AKAP6: variants seen among roughly 807,000 people sequenced by gnomAD.
The protein encoded by AKAP6 is A-kinase anchor protein 6.
A neutral mutation model predicts 188.5 loss-of-function variants in AKAP6; 58 were observed. The observed-to-expected ratio is 0.31, with a 90% CI of 0.25 to 0.38. The LOEUF (loss-of-function observed/expected upper bound fraction) is 0.38, where lower values mean the gene tolerates loss of function less well. Ranked by LOEUF, AKAP6 falls within the 10% of genes least tolerant of loss-of-function variation. AKAP6 has a pLI of 1.00. For missense variants in AKAP6, 2,710 were observed against 2,740.0 expected, an observed-to-expected ratio of 0.99 and a Z score of 0.24; for synonymous variants, 989 against 998.6, an observed-to-expected ratio of 0.99 and a Z score of 0.18.
Position 32,832,689 on chromosome 14 carries a change from T to G in AKAP6, c.*2884T>G, listed in dbSNP as rs2034833958. 1 of 152,426 alleles carries G rather than the reference T, an allele frequency of 6.6e-6. No homozygotes were observed. The highest frequency in any genetic ancestry group is 2.4e-5 in the African/African-American group (1 of 41,436). 9.4% of individuals were successfully genotyped at this position (152,426 alleles called of 1,614,324 possible). ...AAACTGTTCCACTGTTGGGCATATC[T>G]CTTTGTTAGAAAGTTCTTTCTTAGG... On this transcript the variant is annotated 3_prime_UTR_variant, in exon 14 of 14. Transcript: ENST00000280979.
intron 4 of AKAP6, among the ~76,000 whole-genome samples, chr14:32,555,854 T>A (rs1459480364): frequency 6.6e-6 from 1 of 152,178 alleles, no homozygotes; most frequent in Non-Finnish European, 1.5e-5. Context: ...CAGTGGACAA[T>A]CTGGGTTGCT....
intron 7 of AKAP6, among the ~76,000 whole-genome samples, chr14:32,611,048 G>T: frequency 6.6e-6 from 1 of 152,104 alleles, no homozygotes; most frequent in Non-Finnish European, 1.5e-5. Context: ...ATAATGAAAG[G>T]CAGGCCGAGG....
intron 2 of AKAP6, among the ~76,000 whole-genome samples, chr14:32,497,502 C>T (rs963322457): frequency 6.6e-6 from 1 of 152,010 alleles, no homozygotes; most frequent in Non-Finnish European, 1.5e-5. Flanking sequence ...TATTGAGACT[C>T]ATTTTATGAT....
intron 12 of AKAP6, among the ~76,000 whole-genome samples, chr14:32,813,253 G>A (rs1419925299): frequency 1.3e-5 from 2 of 152,126 alleles, no homozygotes; most frequent in African/African-American, 4.8e-5. Context: ...GAAATGTGCA[G>A]GGTAAGGGGG....
intron 7 of AKAP6, among the ~76,000 whole-genome samples, chr14:32,672,171 T>C (rs559448940): frequency 6.6e-6 from 1 of 152,314 alleles, no homozygotes; most frequent in East Asian, 1.9e-4. Flanking sequence ...CCTTATTAAA[T>C]TATTAAGTAT....
chr14:32,513,473 G>A (rs1446352862), intron 2 of AKAP6, among the ~76,000 whole-genome samples: 2 of 152,054 alleles, frequency 1.3e-5, no homozygotes, highest in Non-Finnish European at 2.9e-5. Context: ...AAAGAATGAG[G>A]GTGACTGTGG....
rs146670426 is a variant in AKAP6, at chr14:32,568,333, A to C, written c.2347-8787A>C. Among the ~76,000 whole-genome samples the C allele has an allele frequency of 2.0e-5, 3 of 152,174 alleles. No homozygotes were observed. The highest frequency in any genetic ancestry group is 2.9e-5 in the Non-Finnish European group (2 of 68,036). On this transcript the variant is annotated intron_variant, in intron 4 of 13. Transcript: ENST00000280979. The surrounding 1 kb of genome is among the most constrained non-coding windows in gnomAD (Gnocchi z 6.2). ...AGCTATAGGACCTTAAATAAATTAC[A>C]TAACTTCTCTATGCCTTAGCCTCTT...
chr14:32,464,065 A>C (rs1878247055), intron 2 of AKAP6, among the ~76,000 whole-genome samples: 2 of 152,234 alleles, frequency 1.3e-5, no homozygotes, highest in Non-Finnish European at 2.9e-5. Context: ...ATCCCTGAAT[A>C]GACCAATAAC....
intron 12 of AKAP6, among the ~76,000 whole-genome samples, chr14:32,809,194 A>T (rs1359577775): frequency 6.6e-6 from 1 of 152,188 alleles, no homozygotes; most frequent in Non-Finnish European, 1.5e-5. Context: ...GAAATAAAAC[A>T]GACAGAGACA....
chr14:32,604,885 G>A (rs930897353), intron 7 of AKAP6, among the ~76,000 whole-genome samples: 26 of 152,162 alleles, frequency 1.7e-4, no homozygotes, highest in African/African-American at 6.3e-4. Context: ...AGGTAAACAT[G>A]TGCCATAGTG....
chr14:32,524,987 T>C (rs780046658), intron 2 of AKAP6, among the ~76,000 whole-genome samples: 7 of 151,984 alleles, frequency 4.6e-5, no homozygotes, highest in African/African-American at 9.7e-5. Context: ...CTGTCTTCTC[T>C]ATTAATTTCT....
At chr14:32,384,436 C>T (rs1208169687) in intron 1 of AKAP6, among the ~76,000 whole-genome samples, 2 of 152,086 alleles carry the variant, frequency 1.3e-5, no homozygotes, top group African/African-American at 4.8e-5. Flanking sequence ...TTTGTTGTTG[C>T]TTAGTCATGT....
chr14:32,594,043 G>A (rs953129228), intron 5 of AKAP6, among the ~76,000 whole-genome samples: 1 of 152,164 alleles, frequency 6.6e-6, no homozygotes, highest in East Asian at 1.9e-4. Flanking sequence ...TTTAAAATTC[G>A]TAATGATTTT....
chr14:32,696,505 G>A (rs1193046119), intron 9 of AKAP6, among the ~76,000 whole-genome samples: 1 of 152,104 alleles, frequency 6.6e-6, no homozygotes, highest in East Asian at 1.9e-4. Flanking sequence ...TCTTCCCAGG[G>A]AAAAAAGAAA....
intron 11 of AKAP6, among the ~76,000 whole-genome samples, chr14:32,765,437 C>A (rs962708165): frequency 6.6e-6 from 1 of 152,088 alleles, no homozygotes; most frequent in African/African-American, 2.4e-5. Flanking sequence ...ATATGAAATT[C>A]ATCACTGCAA....
intron 4 of AKAP6, among the ~76,000 whole-genome samples, chr14:32,564,580 T>C (rs984060462): frequency 6.6e-6 from 1 of 152,172 alleles, no homozygotes; most frequent in Admixed American, 6.5e-5. Context: ...TGGGAGGGTA[T>C]GTGGAAGACT....
chr14:32,404,691 G>GAGATATATATATATATATATAT (rs1555325858), intron 1 of AKAP6, among the ~76,000 whole-genome samples: 1 of 44,438 alleles, frequency 2.3e-5, no homozygotes, highest in African/African-American at 7.2e-5. Flanking sequence ...GGAGTCAGGA[G>GAGATATATATATATATATATAT]ATATATATAT....
At chr14:32,575,003 C>G (rs1884655841) in intron 4 of AKAP6, among the ~76,000 whole-genome samples, 2 of 152,126 alleles carry the variant, frequency 1.3e-5, no homozygotes, top group Admixed American at 6.5e-5. Flanking sequence ...TGGTAAACAT[C>G]AAGTCAGATA....
intron 5 of AKAP6, among the ~76,000 whole-genome samples, chr14:32,590,396 G>A (rs1031327188): frequency 3.9e-5 from 6 of 152,096 alleles, no homozygotes; most frequent in South Asian, 2.1e-4. Context: ...AGCCAAGATT[G>A]CACAACTGCA....
Sources: gnomAD v4.1 joint callset for allele counts (sites outside exome capture counted in the v4.1 genomes callset) on GRCh38, gnomAD v4.1.1 for gene constraint, Gnocchi (gnomAD v3.1) non-coding constraint, MANE v1.5 for transcripts, NCBI Gene and HGNC (gene_info 2026-07-23, HGNC 2026-07-21) for gene names.